ACBD6: variants seen among roughly 807,000 people sequenced by gnomAD.
ACBD6 encodes the protein acyl-CoA-binding domain-containing protein 6.
ACBD6 carries 28 observed loss-of-function variants against 37.2 expected under a neutral mutation model. The observed-to-expected ratio is 0.75, with a 90% CI of 0.56 to 1.03. The LOEUF is 1.03. Ranked by LOEUF, ACBD6 falls within the 50% of genes least tolerant of loss-of-function variation. ACBD6 has a pLI of 0.00. For synonymous variants in ACBD6, 113 were observed against 126.8 expected (o/e 0.89, Z 0.73); for missense variants, 340 against 337.4 (o/e 1.01, Z -0.06).
At chr1:180,318,164 C>CT (rs765893926) in intron 6 of ACBD6, among the ~76,000 whole-genome samples, 36 of 6,478 alleles carry the variant, frequency 5.6e-3, no homozygotes, top group South Asian at 0.031. Context: ...TCCATCTCCG[C>CT]CCCCCCCCCC....
intron 6 of ACBD6, among the ~76,000 whole-genome samples, chr1:180,347,290 T>A (rs1652221531): frequency 6.7e-6 from 1 of 150,176 alleles, no homozygotes; most frequent in East Asian, 2.0e-4. Flanking sequence ...TCTATACGGC[T>A]ACACATTTTA....
chr1:180,372,855 G>T (rs1177750468), intron 6 of ACBD6, among the ~76,000 whole-genome samples: 1 of 152,086 alleles, frequency 6.6e-6, no homozygotes, highest in Non-Finnish European at 1.5e-5. Flanking sequence ...AAGACCTCTG[G>T]CCAGTGTCAG....
chr1:180,426,059 C>A (rs556431166), intron 4 of ACBD6, among the ~76,000 whole-genome samples: 2 of 152,198 alleles, frequency 1.3e-5, no homozygotes, highest in African/African-American at 2.4e-5. Flanking sequence ...TGTGTCTGAC[C>A]ACAAGCAGCA....
At chr1:180,403,650 A>G (rs1337748502) in intron 5 of ACBD6, among the ~76,000 whole-genome samples, 1 of 152,222 alleles carries the variant, frequency 6.6e-6, no homozygotes, top group Non-Finnish European at 1.5e-5. Context: ...ATAATTCACA[A>G]CAGTCAAAAG....
At chr1:180,429,948 T>C (rs2101996747) in intron 4 of ACBD6, among the ~76,000 whole-genome samples, 1 of 152,280 alleles carries the variant, frequency 6.6e-6, no homozygotes, top group South Asian at 2.1e-4. Flanking sequence ...GTTCAGACAT[T>C]TAATTGATTT....
chr1:180,292,840 A>G (rs1284090289), intron 7 of ACBD6, among the ~76,000 whole-genome samples: 3 of 152,188 alleles, frequency 2.0e-5, no homozygotes, highest in Admixed American at 6.5e-5. Flanking sequence ...ATCATCAAGG[A>G]CGATATTAAC....
intron 7 of ACBD6, among the ~76,000 whole-genome samples, chr1:180,296,508 C>T (rs1649924970): frequency 6.6e-6 from 1 of 152,166 alleles, no homozygotes; most frequent in South Asian, 2.1e-4. Context: ...TGGCTCCCTG[C>T]AACCTTTGCC....
intron 3 of ACBD6, among the ~76,000 whole-genome samples, chr1:180,453,705 G>C (rs956384549): frequency 6.6e-6 from 1 of 152,108 alleles, no homozygotes; most frequent in South Asian, 2.1e-4. Flanking sequence ...AAAGTCTCAG[G>C]ATACAAAATC....
intron 6 of ACBD6, among the ~76,000 whole-genome samples, chr1:180,387,330 C>G (rs1406096531): frequency 6.6e-6 from 1 of 152,202 alleles, no homozygotes; most frequent in Non-Finnish European, 1.5e-5. Flanking sequence ...TCCCCCACAC[C>G]ATCACTCCCT....
intron 7 of ACBD6, among the ~76,000 whole-genome samples, chr1:180,299,921 T>C (rs534899961): frequency 4.6e-5 from 7 of 152,180 alleles, no homozygotes; most frequent in African/African-American, 1.7e-4. Flanking sequence ...AGGTAAAATA[T>C]AGGCACATAA....
At chr1:180,403,566 A>G (rs1003417697) in intron 5 of ACBD6, among the ~76,000 whole-genome samples, 1 of 152,204 alleles carries the variant, frequency 6.6e-6, no homozygotes. Context: ...ACTTCTCTGT[A>G]TGTTTAACAT....
intron 6 of ACBD6, among the ~76,000 whole-genome samples, chr1:180,395,399 C>A (rs1654221260): frequency 6.6e-6 from 1 of 152,052 alleles, no homozygotes; most frequent in Non-Finnish European, 1.5e-5. Context: ...AGATAAAGAC[C>A]AGAAGATTTG....
rs1035778855 is a variant in ACBD6, at chr1:180,404,973, C to A, written c.574-7368G>T. On this transcript the variant is annotated intron_variant, in intron 5 of 7. Transcript: ENST00000367595. ...CTTGATTTTTAAATGGCACTGCCTA[C>A]ATGAATGCAAATAAGCGTAATAGAC... Among the ~76,000 whole-genome samples the A allele has an allele frequency of 7.2e-5, 11 of 152,154 alleles. 1 individual carries two copies. Among genetic ancestry groups the A allele is most frequent in the Admixed American group, 2.0e-4 (3 of 15,266 alleles).
chr1:180,411,456 C>T (rs1410668839), intron 5 of ACBD6, among the ~76,000 whole-genome samples: 1 of 152,196 alleles, frequency 6.6e-6, no homozygotes, highest in Admixed American at 6.5e-5. Flanking sequence ...GCCACCCCAA[C>T]CTTCAGTGAC....
chr1:180,330,713 A>C (rs528778060), intron 6 of ACBD6, among the ~76,000 whole-genome samples: 1 of 152,352 alleles, frequency 6.6e-6, no homozygotes, highest in South Asian at 2.1e-4. Context: ...TGTTCTTAAG[A>C]GCAAGTTTGC....
chr1:180,410,530 T>TA (rs34055043), intron 5 of ACBD6, among the ~76,000 whole-genome samples: 3 of 152,150 alleles, frequency 2.0e-5, no homozygotes, highest in African/African-American at 7.2e-5. Context: ...CTAGGGCCCT[T>TA]AAAAAGTATG....
At chr1:180,341,906 A>G (rs1651997830) in intron 6 of ACBD6, among the ~76,000 whole-genome samples, 1 of 151,586 alleles carries the variant, frequency 6.6e-6, no homozygotes, top group Admixed American at 6.6e-5. Context: ...CCAAGGAAAA[A>G]CTCATCAAAC....
At chr1:180,451,675 T>C (rs774565828) in intron 3 of ACBD6, among the ~76,000 whole-genome samples, 7 of 152,262 alleles carry the variant, frequency 4.6e-5, no homozygotes, top group East Asian at 3.9e-4. Context: ...GGCAAATCTA[T>C]AGAAACAAAA....
At chr1:180,280,887 T>C (rs764728108) in intron 9 of ACBD6, among the ~76,000 whole-genome samples, 12 of 152,214 alleles carry the variant, frequency 7.9e-5, no homozygotes, top group Non-Finnish European at 1.6e-4. Flanking sequence ...GCACTGGTAA[T>C]GGGCATGAGA....
Sources: gnomAD v4.1 joint callset for allele counts (sites outside exome capture counted in the v4.1 genomes callset) on GRCh38, gnomAD v4.1.1 for gene constraint, MANE v1.5 for transcripts, NCBI Gene and HGNC (gene_info 2026-07-23, HGNC 2026-07-21) for gene names.